FSHR: variants seen among roughly 807,000 people sequenced by gnomAD.
FSHR encodes the protein follicle-stimulating hormone receptor.
Under a neutral mutation model 52.1 loss-of-function variants are expected in FSHR, and 46 were observed. That is an observed-to-expected ratio of 0.88 (90% confidence interval 0.70 to 1.13). The LOEUF (loss-of-function observed/expected upper bound fraction) is 1.13. Ranked by LOEUF, FSHR falls within the 50% of genes most tolerant of loss-of-function variation. The pLI is 0.00. For synonymous variants in FSHR, 399 were observed against 309.6 expected (o/e 1.29, Z -3.03); for missense variants, 964 against 834.6 (o/e 1.16, Z -1.91).
At chr2:49,128,561 G>C (rs991887671) in intron 1 of FSHR, among the ~76,000 whole-genome samples, 2 of 151,980 alleles carry the variant, frequency 1.3e-5, no homozygotes, top group African/African-American at 4.8e-5. Flanking sequence ...GAAAAGCAAG[G>C]GATGATCAGC....
intron 8 of FSHR, 112 bp from the exon 9 acceptor site, chr2:48,968,995 A>G: frequency 1.0e-6 from 1 of 986,092 alleles, no homozygotes; most frequent in Non-Finnish European, 1.5e-6. Context: ...ATGGATGAGG[A>G]GAGAGACTCC....
intron 8 of FSHR, among the ~76,000 whole-genome samples, chr2:48,971,340 C>T (rs1483362643): frequency 2.0e-5 from 3 of 152,198 alleles, no homozygotes; most frequent in Admixed American, 1.3e-4. Flanking sequence ...CTGTCTCAGG[C>T]AGCAACTGAG....
intron 2 of FSHR, among the ~76,000 whole-genome samples, chr2:49,053,558 T>C (rs761457574): frequency 6.6e-6 from 1 of 152,214 alleles, no homozygotes; most frequent in African/African-American, 2.4e-5. Flanking sequence ...TTTAATGATT[T>C]CTTTTTTCCC....
At chr2:48,977,925 C>T (rs1559088869) in intron 8 of FSHR, among the ~76,000 whole-genome samples, 1 of 152,108 alleles carries the variant, frequency 6.6e-6, no homozygotes, top group Non-Finnish European at 1.5e-5. Flanking sequence ...TCAGGCTGGT[C>T]TCTTCTAATG....
intron 2 of FSHR, among the ~76,000 whole-genome samples, chr2:49,065,516 T>G (rs1669468949): frequency 1.3e-5 from 2 of 152,052 alleles, no homozygotes; most frequent in Non-Finnish European, 2.9e-5. Flanking sequence ...GGGCAGATGG[T>G]GACATGATTC....
chr2:49,077,562 C>T (rs1449801453), intron 1 of FSHR, among the ~76,000 whole-genome samples: 3 of 152,188 alleles, frequency 2.0e-5, no homozygotes, highest in Non-Finnish European at 2.9e-5. Flanking sequence ...GTTACTTACG[C>T]AAATTTACGC....
chr2:48,987,218 T>G (rs1190816839), intron 6 of FSHR, among the ~76,000 whole-genome samples: 1 of 151,992 alleles, frequency 6.6e-6, no homozygotes, highest in Non-Finnish European at 1.5e-5. Context: ...TATTATTACT[T>G]TTTGAGATGG....
chr2:48,993,509 C>A (rs530069025), intron 4 of FSHR, among the ~76,000 whole-genome samples: 39 of 152,240 alleles, frequency 2.6e-4, no homozygotes, highest in African/African-American at 9.4e-4. Context: ...TGACACCATT[C>A]CCAAAAGACC....
intron 8 of FSHR, among the ~76,000 whole-genome samples, chr2:48,981,597 G>C (rs1279662363): frequency 6.6e-6 from 1 of 152,132 alleles, no homozygotes. Context: ...AATAATCTTT[G>C]AACATGGTCA....
chr2:49,071,694 A>C (rs1232374698), intron 1 of FSHR, among the ~76,000 whole-genome samples: 2 of 152,204 alleles, frequency 1.3e-5, no homozygotes, highest in African/African-American at 2.4e-5. Context: ...ATAGTTCTGC[A>C]GGCTGTACAA....
intron 4 of FSHR, among the ~76,000 whole-genome samples, chr2:49,000,319 A>T (rs1014078244): frequency 6.6e-6 from 1 of 152,176 alleles, no homozygotes; most frequent in African/African-American, 2.4e-5. Context: ...AATCACGGCA[A>T]ACTAAGTCAA....
intron 4 of FSHR, among the ~76,000 whole-genome samples, chr2:49,013,141 C>T (rs541424866): frequency 6.7e-6 from 1 of 148,410 alleles, no homozygotes; most frequent in Non-Finnish European, 1.5e-5. Context: ...CCCCCACTTT[C>T]TCACTCTCAC....
At chr2:49,076,752 G>C (rs899208465) in intron 1 of FSHR, among the ~76,000 whole-genome samples, 1 of 152,186 alleles carries the variant, frequency 6.6e-6, no homozygotes, top group African/African-American at 2.4e-5. Flanking sequence ...TAGAGGTATT[G>C]GGTAAATACA....
At chr2:49,051,932 A>G (rs1668874563) in intron 2 of FSHR, among the ~76,000 whole-genome samples, 2 of 152,146 alleles carry the variant, frequency 1.3e-5, no homozygotes, top group African/African-American at 4.8e-5. Context: ...ATTCAGCATC[A>G]TTTGTGGAAA....
intron 8 of FSHR, among the ~76,000 whole-genome samples, chr2:48,981,871 A>T (rs971617257): frequency 1.3e-5 from 2 of 152,106 alleles, no homozygotes; most frequent in Non-Finnish European, 2.9e-5. Flanking sequence ...GCCAAATAAG[A>T]GGTTCAGGCA....
At chr2:48,969,751 C>T (rs934825890) in intron 8 of FSHR, among the ~76,000 whole-genome samples, 1 of 152,198 alleles carries the variant, frequency 6.6e-6, no homozygotes, top group African/African-American at 2.4e-5. Context: ...CACAAATGAC[C>T]AGTTTAACCA....
intron 2 of FSHR, among the ~76,000 whole-genome samples, chr2:49,021,921 A>AGAGAGAGAGAG (rs1667739794): frequency 2.4e-5 from 3 of 126,750 alleles, no homozygotes; most frequent in East Asian, 2.7e-4. Context: ...AGAGAGAGAG[A>AGAGAGAGAGAG]ATGAACACCA....
At chr2:49,054,507 A>T (rs1668982863) in intron 2 of FSHR, among the ~76,000 whole-genome samples, 1 of 152,290 alleles carries the variant, frequency 6.6e-6, no homozygotes, top group East Asian at 1.9e-4. Context: ...CCAAGTAGCT[A>T]TGTGCCTACA....
chr2:49,071,528 A>G, intron 1 of FSHR, among the ~76,000 whole-genome samples: 1 of 152,200 alleles, frequency 6.6e-6, no homozygotes, highest in East Asian at 1.9e-4. Flanking sequence ...AGGATAAGAA[A>G]ATTTAATCCA....
Sources: gnomAD v4.1 joint callset for allele counts (sites outside exome capture counted in the v4.1 genomes callset) on GRCh38, gnomAD v4.1.1 for gene constraint, MANE v1.5 for transcripts, NCBI Gene and HGNC (gene_info 2026-07-23, HGNC 2026-07-21) for gene names.